TMEM260: variants seen among roughly 807,000 people sequenced by gnomAD.
TMEM260 encodes the protein transmembrane protein 260.
Under a neutral mutation model 88.9 loss-of-function variants are expected in TMEM260, and 82 were observed. That is an observed-to-expected ratio of 0.92 (90% confidence interval 0.77 to 1.11). The LOEUF (loss-of-function observed/expected upper bound fraction) is 1.11, where lower values mean the gene tolerates loss of function less well. TMEM260 is among the 50% of genes least tolerant of loss of function. The pLI, the probability that TMEM260 is intolerant of heterozygous loss-of-function variation, is 0.00. For synonymous variants in TMEM260, 314 were observed against 309.3 expected (o/e 1.02, Z -0.16); for missense variants, 902 against 853.4 (o/e 1.06, Z -0.71).
intron 11 of TMEM260, among the ~76,000 whole-genome samples, chr14:56,623,946 A>G (rs377221598): frequency 1.3e-5 from 2 of 152,232 alleles, no homozygotes; most frequent in East Asian, 3.9e-4. Flanking sequence ...GAATGAATAC[A>G]TATCAAAGTA....
chr14:56,592,640 A>G (rs1484506258), intron 3 of TMEM260, among the ~76,000 whole-genome samples: 3 of 152,218 alleles, frequency 2.0e-5, no homozygotes, highest in Admixed American at 1.3e-4. Context: ...AGATAAGAAC[A>G]TGGAAGGATA....
At position 56,644,153 on chromosome 14, in the gene TMEM260, G is replaced by C. The variant is rs867555555; in HGVS notation, c.1870-3090G>C. ...ACTTTCTTCACAGAATTGGAAAAAAGTACTTTAAAGTTCATATGGAACCAA... is the reference window on the plus strand; with the variant it reads ...ACTTTCTTCACAGAATTGGAAAAAACTACTTTAAAGTTCATATGGAACCAA... On this transcript the variant is annotated intron_variant, in intron 15 of 15. Coordinates refer to ENST00000261556, the MANE Select transcript of TMEM260 (RefSeq NM_017799.4). Among the ~76,000 whole-genome samples, 25 of 152,120 alleles carry C rather than the reference G, an allele frequency of 1.6e-4. No individual in the cohort carries two copies. The South Asian group carries it at 2.3e-3, about 14-fold the overall frequency.
At chr14:56,582,735 G>T (rs189219702) in intron 1 of TMEM260, among the ~76,000 whole-genome samples, 1 of 152,150 alleles carries the variant, frequency 6.6e-6, no homozygotes, top group Non-Finnish European at 1.5e-5. Flanking sequence ...CATGTAAAGG[G>T]TTGGGAGAAA....
intron 5 of TMEM260, 44 bp from the exon 6 acceptor site, chr14:56,609,062 A>G (rs751089853): frequency 6.3e-7 from 1 of 1,580,746 alleles, no homozygotes; most frequent in Non-Finnish European, 8.7e-7. Flanking sequence ...AGATGAATCT[A>G]CTAAAATAAA....
At chr14:56,620,427 A>T (rs1763600909) in intron 10 of TMEM260, among the ~76,000 whole-genome samples, 1 of 152,224 alleles carries the variant, frequency 6.6e-6, no homozygotes, top group Non-Finnish European at 1.5e-5. Context: ...AAGAAGGTGC[A>T]CCAAGCCCAC....
At chr14:56,631,119 A>C (rs546933415) in intron 12 of TMEM260, among the ~76,000 whole-genome samples, 75 of 138,690 alleles carry the variant, frequency 5.4e-4, no homozygotes, top group African/African-American at 1.9e-3. Context: ...AAGTTTATTA[A>C]AAGCTCTAAA....
In TMEM260 at chr14:56,609,186, A is replaced by G. The variant is rs767054553; in HGVS notation, c.717A>G (p.Ser239=). The G allele has an allele frequency of 6.2e-6, 10 of 1,613,906 alleles. No individual in the cohort carries two copies. The African/African-American group carries it at 9.3e-5, about 15-fold the overall frequency. ...GLLPYVHLPI[S]SYLNHARWTW... is the part of the protein sequence containing the mutation. ...TGCCCTATGTCCACCTTCCCATCTC[A>G]TCTTACCTTAATCACGCCCGGTGGA... The change falls in exon 6 of 16, where the codon TCA becomes TCG. Residue 239 remains serine, a synonymous_variant. Transcript: ENST00000261556.
intron 1 of TMEM260, among the ~76,000 whole-genome samples, 178 bp downstream of exon 1, chr14:56,580,252 C>G (rs1244104766): frequency 6.6e-6 from 1 of 152,202 alleles, no homozygotes; most frequent in African/African-American, 2.4e-5. Flanking sequence ...CCATTCCTGT[C>G]GTTGTGGTTT....
In TMEM260 at chr14:56,621,563, A is replaced by G. The variant is rs750447573; in HGVS notation, c.1259A>G (p.Asp420Gly). The change falls in exon 11 of 16, where the codon GAT becomes GGT. Residue 420 changes from aspartate to glycine, a missense_variant. Coordinates refer to ENST00000261556, the MANE Select transcript of TMEM260 (RefSeq NM_017799.4). ...VCDQRTNYVI[D>G]KFAKNLLTSM... Reference sequence around the variant, plus strand: ...GACCAAAGGACCAACTATGTGATTGATAAGTTCGCAAAGAACCTTCTCACC... The same window carrying G: ...GACCAAAGGACCAACTATGTGATTGGTAAGTTCGCAAAGAACCTTCTCACC... 1 of 1,609,394 alleles carries G rather than the reference A, an allele frequency of 6.2e-7. No individual in the cohort carries two copies.
intron 9 of TMEM260, among the ~76,000 whole-genome samples, chr14:56,617,829 TAATA>T (rs1887681948): frequency 1.3e-5 from 2 of 152,174 alleles, no homozygotes; most frequent in Non-Finnish European, 2.9e-5. Context: ...TCAGGAAGCC[TAATA>T]AATAATACCC....
rs995234903 is a variant in TMEM260 at position 56,639,538 on chromosome 14, G to C, written c.1869+2940G>C. 3.9e-5 allele frequency among the ~76,000 whole-genome samples: 6 copies of C among 152,300 alleles called. No individual in the cohort carries two copies. In the East Asian group the frequency reaches 1.2e-3, roughly 29 times the overall value. On this transcript the variant is annotated intron_variant, in intron 15 of 15. Coordinates refer to ENST00000261556, the MANE Select transcript of TMEM260 (RefSeq NM_017799.4). Reference sequence around the variant, plus strand: ...GAGGTGGAGCCAAGACAGCCAAATAGGAACAGCTCCAGTCTACAGCTCTCA... The same window carrying C: ...GAGGTGGAGCCAAGACAGCCAAATACGAACAGCTCCAGTCTACAGCTCTCA...
chr14:56,619,785 G>A (rs1887800937), intron 10 of TMEM260, among the ~76,000 whole-genome samples: 1 of 152,090 alleles, frequency 6.6e-6, no homozygotes, highest in Non-Finnish European at 1.5e-5. Flanking sequence ...TCTTATTACT[G>A]GGTATATACC....
At chr14:56,594,730 A>G (rs1886099324) in intron 3 of TMEM260, among the ~76,000 whole-genome samples, 1 of 152,354 alleles carries the variant, frequency 6.6e-6, no homozygotes, top group South Asian at 2.1e-4. Flanking sequence ...TCCTATTTAA[A>G]TAATGTCAGG....
rs577492740 is a variant in TMEM260, at chr14:56,629,579, G to A, written c.1548-3416G>A. The stretch of plus-strand genomic sequence containing the variant: ...TTTTCCTCTTGTATGATTTCCCTTC[G>A]TTCTGAGGATATTCCTTAAGTATTT... On this transcript the variant is annotated intron_variant, in intron 12 of 15. Coordinates refer to ENST00000261556, the MANE Select transcript of TMEM260 (RefSeq NM_017799.4). Among the ~76,000 whole-genome samples the A allele has an allele frequency of 2.7e-4, 41 of 152,010 alleles. 2 individuals carry two copies. In the South Asian group the frequency reaches 7.9e-3, roughly 29 times the overall value.
chr14:56,639,182 G>A (rs1889368767), intron 15 of TMEM260, among the ~76,000 whole-genome samples: 2 of 152,010 alleles, frequency 1.3e-5, no homozygotes, highest in South Asian at 2.1e-4. Context: ...TGGTTAATAG[G>A]TACAAAAATA....
chr14:56,594,493 A>G (rs1886087117), intron 3 of TMEM260, among the ~76,000 whole-genome samples: 1 of 152,210 alleles, frequency 6.6e-6, no homozygotes, highest in Non-Finnish European at 1.5e-5. Context: ...AATAAAATGG[A>G]AATTGAAAAC....
Position 56,625,490 on chromosome 14 carries a change from G to A in TMEM260, c.1507G>A (p.Val503Ile). 1 of 1,609,538 alleles carries A rather than the reference G, an allele frequency of 6.2e-7. No homozygotes were observed. Among genetic ancestry groups the A allele is most frequent in the Non-Finnish European group, 8.5e-7 (1 of 1,176,056 alleles). The change falls in exon 12 of 16, where the codon GTC becomes ATC. Residue 503 changes from valine (V) to isoleucine (I), a missense_variant. Physicochemically the swap from Val to Ile is conservative, Grantham distance 29. Transcript: ENST00000261556. Reference sequence around the variant, plus strand: ...GGAAGGAATATTACCTAGTGGAATGGTCACATTTAATCTTTATCATTTTCT... The same window carrying A: ...GGAAGGAATATTACCTAGTGGAATGATCACATTTAATCTTTATCATTTTCT... ...PVEGILPSGMVTFNLYHFLEV... is the reference protein window; with the variant it reads ...PVEGILPSGMITFNLYHFLEV...
At chr14:56,612,901 AC>A (rs1455504907) in intron 7 of TMEM260, 2 of 152,124 alleles carry the variant, frequency 1.3e-5, no homozygotes, top group Admixed American at 6.5e-5. Flanking sequence ...CTTCAATTGA[AC>A]AACTATTTTC....
At position 56,594,459 on chromosome 14, in the gene TMEM260, A is replaced by G. The variant is rs187429624; in HGVS notation, c.344+8547A>G. Reference sequence around the variant, plus strand: ...TTAACTCCTTAGTTGCTTTTTTAAAATAATAAGCATATTTGTTCAAAAGAA... The same window carrying G: ...TTAACTCCTTAGTTGCTTTTTTAAAGTAATAAGCATATTTGTTCAAAAGAA... On this transcript the variant is annotated intron_variant, in intron 3 of 15. Coordinates refer to ENST00000261556, the MANE Select transcript of TMEM260 (RefSeq NM_017799.4). Among the ~76,000 whole-genome samples, 10 of 152,372 alleles carry G rather than the reference A, an allele frequency of 6.6e-5. No individual in the cohort carries two copies. The East Asian group carries it at 1.9e-3, about 29-fold the overall frequency.
Sources: allele counts gnomAD v4.1 joint callset (sites outside exome capture counted in the v4.1 genomes callset), GRCh38; gene constraint gnomAD v4.1.1; transcripts MANE v1.5; gene names NCBI Gene and HGNC (gene_info 2026-07-23, HGNC 2026-07-21).